TMEM18: variants seen among roughly 807,000 people sequenced by gnomAD.
TMEM18 encodes transmembrane protein 18.
A neutral mutation model predicts 17.4 loss-of-function variants in TMEM18; 14 were observed. The ratio of observed to expected loss-of-function variants is 0.80; its 90% confidence interval spans 0.53 to 1.25. TMEM18 has a LOEUF of 1.25. Ranked by LOEUF, TMEM18 falls within the 50% of genes most tolerant of loss-of-function variation. The pLI is 0.00. For missense variants in TMEM18, 187 were observed against 172.1 expected (o/e 1.09, Z -0.48); for synonymous variants, 86 against 66.1 (o/e 1.30, Z -1.46).
chr2:665,940 C>A lies in TMEM18; in HGVS notation c.*3640G>T, dbSNP rs879362211. ...AGCTCACTCAGATGGAGTGTTAACC[C>A]CACGCACACAAAACCCAGAGATGCG... On this transcript the variant is annotated 3_prime_UTR_variant, in exon 5 of 5. Transcript: ENST00000281017. Among the ~76,000 whole-genome samples the A allele has an allele frequency of 2.6e-5, 4 of 152,112 alleles. No individual in the cohort carries two copies. Among genetic ancestry groups the A allele is most frequent in the Non-Finnish European group, 5.9e-5 (4 of 68,016 alleles).
intron 3 of TMEM18, among the ~76,000 whole-genome samples, chr2:671,804 C>A (rs1678854970): frequency 1.8e-5 from 2 of 112,832 alleles, no homozygotes; most frequent in Admixed American, 1.7e-4. Flanking sequence ...CATGTGAAGG[C>A]CCTGCATCCG....
rs1678658278 is a variant in TMEM18, at chr2:665,414, A to T, written c.*4166T>A. ...GATGCCCCATTCACTCAGATAATCA[A>T]CCCCACATACAACAGGACCCAGAGA... On this transcript the variant is annotated 3_prime_UTR_variant, in exon 5 of 5. Transcript: ENST00000281017. 6.6e-6 allele frequency among the ~76,000 whole-genome samples: 1 copy of T among 150,612 alleles called. No individual in the cohort carries two copies. Among genetic ancestry groups the T allele is most frequent in the Admixed American group, 6.6e-5 (1 of 15,140 alleles).
intron 2 of TMEM18, among the ~76,000 whole-genome samples, chr2:673,798 C>CCA (rs1249029423): frequency 2.0e-5 from 3 of 149,344 alleles, no homozygotes; most frequent in Non-Finnish European, 4.5e-5. Context: ...AGGAGGAGGG[C>CCA]CAGGAGAAGC....
intron 2 of TMEM18, among the ~76,000 whole-genome samples, chr2:673,751 A>AGGG (rs967805011): frequency 6.4e-5 from 1 of 15,534 alleles, no homozygotes; most frequent in Non-Finnish European, 1.4e-4. Context: ...GAGGAGGAGG[A>AGGG]GGGGGAGGAT....
chr2:677,212 C>G, intron 1 of TMEM18, 77 bp downstream of exon 1: 2 of 1,535,902 alleles, frequency 1.3e-6, no homozygotes, highest in South Asian at 1.2e-5. Context: ...GGCCACAGGC[C>G]GGGTGCTCTG....
At chr2:671,231 G>A (rs999527929) in intron 3 of TMEM18, among the ~76,000 whole-genome samples, 8 of 152,170 alleles carry the variant, frequency 5.3e-5, no homozygotes, top group Non-Finnish European at 8.8e-5. Context: ...AGGAGGCTGC[G>A]GCCAGAGGGA....
chr2:675,591 T>C lies in TMEM18; in HGVS notation c.97A>G (p.Thr33Ala), dbSNP rs745839788. ...AGGAGCACGCAGAGCGCGTGGAAGG[T>C]GGCCAGCCCCATGAGCCAGGGCTCA... ...WTEPWLMGLA[T>A]FHALCVLLTC... is the part of the protein sequence containing the mutation. The change falls in exon 2 of 5, where the codon ACC becomes GCC. Residue 33 changes from threonine to alanine, a missense_variant. Coordinates refer to ENST00000281017, the MANE Select transcript of TMEM18 (RefSeq NM_152834.4). 3.0e-5 allele frequency: 48 copies of C among 1,614,048 alleles called. No homozygotes were observed. In the East Asian group the frequency reaches 1.0e-3, roughly 35 times the overall value.
At chr2:672,593 G>A (rs952625770) in intron 3 of TMEM18, among the ~76,000 whole-genome samples, 2 of 152,264 alleles carry the variant, frequency 1.3e-5, no homozygotes, top group African/African-American at 4.8e-5. Context: ...AGCCAGCACT[G>A]TCCCACAGTG....
Position 669,525 on chromosome 2 carries a change from T to C in TMEM18, c.*55A>G. 6.5e-7 allele frequency: 1 copy of C among 1,540,684 alleles called. No homozygotes were observed. Among genetic ancestry groups the C allele is most frequent in the Non-Finnish European group, 9.0e-7 (1 of 1,114,604 alleles). On this transcript the variant is annotated 3_prime_UTR_variant, in exon 5 of 5. Coordinates refer to ENST00000281017, the MANE Select transcript of TMEM18 (RefSeq NM_152834.4). ...GCCCACGCCACGCACACTGCAGCAC[T>C]GGGAGCTGCACTGGGTGGACGGGAA...
chr2:675,607 C>T lies in TMEM18; in HGVS notation c.81G>A (p.Trp27Ter). The T allele has an allele frequency of 6.2e-7, 1 of 1,614,146 alleles. No individual in the cohort carries two copies. Among genetic ancestry groups the T allele is most frequent in the East Asian group, 2.2e-5 (1 of 44,880 alleles). Residue 27 changes from tryptophan to a stop codon, truncating the protein, a stop_gained, in exon 2 of 5, where the codon TGG becomes TGA. Transcript: ENST00000281017. LOFTEE classifies it high-confidence loss of function. ...CGTGGAAGGTGGCCAGCCCCATGAGCCAGGGCTCAGTCCAGTCCGTCTGCT... is the reference window on the plus strand; with the variant it reads ...CGTGGAAGGTGGCCAGCCCCATGAGTCAGGGCTCAGTCCAGTCCGTCTGCT... ...VLTQTDWTEPWLMGLATFHAL... is the reference protein window; with the variant it reads ...VLTQTDWTEP
chr2:676,335 C>T, intron 1 of TMEM18: 1 of 1,468,866 alleles, frequency 6.8e-7, no homozygotes, highest in Non-Finnish European at 9.0e-7. Flanking sequence ...TCCCAGCAGT[C>T]CTCAACCCTC....
At chr2:677,225 G>A (rs1334871162) in intron 1 of TMEM18, 64 bp downstream of exon 1, 15 of 1,558,320 alleles carry the variant, frequency 9.6e-6, no homozygotes, top group African/African-American at 1.3e-5. Flanking sequence ...GTGCTCTGTG[G>A]GGCCTACCCT....
chr2:665,730 A>AGATGCC lies in TMEM18; in HGVS notation c.*3844_*3849dup, dbSNP rs1177205542. Among the ~76,000 whole-genome samples, 1 of 151,804 alleles carries AGATGCC rather than the reference A, an allele frequency of 6.6e-6. No individual in the cohort carries two copies. The highest frequency in any genetic ancestry group is 1.5e-5 in the Non-Finnish European group (1 of 67,962). On this transcript the variant is annotated 3_prime_UTR_variant, in exon 5 of 5. Coordinates refer to ENST00000281017, the MANE Select transcript of TMEM18 (RefSeq NM_152834.4). The stretch of plus-strand genomic sequence containing the variant: ...TACATACAACAGGACCCAGAGATGC[A>AGATGCC]GATGCCCCACTCACTCAGATGGAGC...
rs192544599 is a variant in TMEM18 at position 666,978 on chromosome 2, C to T, written c.*2602G>A. Among the ~76,000 whole-genome samples, 7 of 151,256 alleles carry T rather than the reference C, an allele frequency of 4.6e-5. No homozygotes were observed. Among genetic ancestry groups the T allele is most frequent in the African/African-American group, 1.7e-4 (7 of 41,220 alleles). ...TTAAGCATCCCACTCAACTTCGCGC[C>T]ACTGAAGCTCCTTACCCTGAATTCC... is the stretch of plus-strand genomic sequence containing the variant. On this transcript the variant is annotated 3_prime_UTR_variant, in exon 5 of 5. Coordinates refer to ENST00000281017, the MANE Select transcript of TMEM18 (RefSeq NM_152834.4).
At chr2:675,130 T>G (rs1678962650) in intron 2 of TMEM18, among the ~76,000 whole-genome samples, 1 of 152,228 alleles carries the variant, frequency 6.6e-6, no homozygotes, top group Non-Finnish European at 1.5e-5. Context: ...ATGCCTTATT[T>G]TATGCACAGA....
At chr2:676,900 A>G in intron 1 of TMEM18, 1 of 571,430 alleles carries the variant, frequency 1.7e-6, no homozygotes, top group Non-Finnish European at 3.1e-6. Flanking sequence ...CAACTCAGCC[A>G]CGCCCGCACG....
chr2:677,081 C>T (rs891713885), intron 1 of TMEM18: 24 of 581,422 alleles, frequency 4.1e-5, no homozygotes, highest in Non-Finnish European at 7.0e-5. Context: ...CCCACAGGGC[C>T]CAGGACCCCG....
At position 664,855 on chromosome 2, in the gene TMEM18, T is replaced by TA. The variant is rs1479712061; in HGVS notation, c.*4724dup. ...AATTAGAAAAACTCTGCATCTCTAA[T>TA]ATCAGTAACTGGTTACGTAAATTCA... On this transcript the variant is annotated 3_prime_UTR_variant, in exon 5 of 5. Coordinates refer to ENST00000281017, the MANE Select transcript of TMEM18 (RefSeq NM_152834.4). Among the ~76,000 whole-genome samples the TA allele has an allele frequency of 5.9e-5, 9 of 152,246 alleles. No individual in the cohort carries two copies. The highest frequency in any genetic ancestry group is 3.2e-3 in the Middle Eastern group (1 of 316).
Position 677,237 on chromosome 2 carries a change from CG to C in TMEM18, c.57+51del. ...CGGGTGCTCTGTGGGGCCTACCCTA[CG>C]CCTCTCCGCCGTCCTCCCCCGAACT... is the stretch of plus-strand genomic sequence containing the variant. On this transcript the variant is annotated intron_variant, in intron 1 of 4. Transcript: ENST00000281017. 3 of 1,576,224 alleles carry C rather than the reference CG, an allele frequency of 1.9e-6. No homozygotes were observed. In the East Asian group the frequency reaches 6.8e-5, roughly 36 times the overall value.
Sources: allele counts gnomAD v4.1 joint callset (sites outside exome capture counted in the v4.1 genomes callset), GRCh38; gene constraint gnomAD v4.1.1; transcripts MANE v1.5; gene names NCBI Gene and HGNC (gene_info 2026-07-23, HGNC 2026-07-21).